The following OSBPL9 variants were observed in gnomAD, a reference collection of about 807,000 sequenced individuals.
The protein encoded by OSBPL9 is oxysterol-binding protein-related protein 9.
Under a neutral mutation model 106.6 loss-of-function variants are expected in OSBPL9, and 40 were observed. That is an observed-to-expected ratio of 0.38 (90% CI 0.29 to 0.49). The LOEUF is 0.49. Ranked by LOEUF, OSBPL9 falls within the 20% of genes least tolerant of loss-of-function variation. The pLI is 0.97. For synonymous variants in OSBPL9, 269 were observed against 295.4 expected, an observed-to-expected ratio of 0.91 and a Z score of 0.92; for missense variants, 609 against 887.2, an observed-to-expected ratio of 0.69 and a Z score of 3.98.
At chr1:51,667,054 G>A (rs1037379117) in intron 2 of OSBPL9, among the ~76,000 whole-genome samples, 7 of 152,182 alleles carry the variant, frequency 4.6e-5, no homozygotes, top group African/African-American at 1.7e-4. Flanking sequence ...AATGAGCACA[G>A]CCTGTGGTAA....
At chr1:51,617,028 C>A, upstream of OSBPL9, 1 of 1,475,594 alleles carries the variant, frequency 6.8e-7, no homozygotes, top group Non-Finnish European at 9.1e-7. Flanking sequence ...CCCGCCCCGC[C>A]CCCTGCGGCC....
intron 1 of OSBPL9, among the ~76,000 whole-genome samples, chr1:51,594,508 T>A (rs1032448495): frequency 9.2e-5 from 14 of 152,174 alleles, no homozygotes; most frequent in African/African-American, 3.4e-4. Context: ...GTTCACCCAT[T>A]TGTGTTTTTG....
At chr1:51,732,779 T>G (rs1487304548) in intron 4 of OSBPL9, among the ~76,000 whole-genome samples, 5 of 152,180 alleles carry the variant, frequency 3.3e-5, no homozygotes, top group African/African-American at 7.2e-5. Flanking sequence ...TTGCCGCTCT[T>G]ATAGTTAAGA....
chr1:51,665,535 G>A (rs1648244580), intron 2 of OSBPL9, among the ~76,000 whole-genome samples: 1 of 152,186 alleles, frequency 6.6e-6, no homozygotes, highest in Non-Finnish European at 1.5e-5. Context: ...CAGTGTGGAT[G>A]TAGGGTTTTT....
At chr1:51,774,370 T>C (rs1358131985) in intron 14 of OSBPL9, among the ~76,000 whole-genome samples, 1 of 152,238 alleles carries the variant, frequency 6.6e-6, no homozygotes, top group Admixed American at 6.5e-5. Context: ...TTAAAATAAG[T>C]CATTTTTGAA....
intron 4 of OSBPL9, among the ~76,000 whole-genome samples, chr1:51,731,105 GTA>G (rs1664291336): frequency 6.7e-6 from 1 of 150,064 alleles, no homozygotes; most frequent in Admixed American, 6.6e-5. Context: ...TAAAAATACC[GTA>G]TTACCTTTTC....
intron 23 of OSBPL9, 42 bp downstream of exon 23, chr1:51,787,530 A>G (rs1210769476): frequency 6.2e-7 from 1 of 1,610,758 alleles, no homozygotes; most frequent in Admixed American, 1.7e-5. Flanking sequence ...TGTTCCTCCT[A>G]ATTTATTTCA....
At chr1:51,741,509 C>G (rs370550380) in intron 4 of OSBPL9, among the ~76,000 whole-genome samples, 1 of 149,632 alleles carries the variant, frequency 6.7e-6, no homozygotes, top group East Asian at 2.0e-4. Context: ...TTCCTCTTCC[C>G]CTTGCCCTTC....
intron 4 of OSBPL9, among the ~76,000 whole-genome samples, chr1:51,734,456 G>A (rs879789144): frequency 3.3e-5 from 5 of 152,172 alleles, no homozygotes; most frequent in African/African-American, 4.8e-5. Context: ...CTTGGCTGCA[G>A]TTGGAACCTG....
At chr1:51,547,472 A>G in the OSBPL9 span, among the ~76,000 whole-genome samples, 1 of 152,190 alleles carries the variant, frequency 6.6e-6, no homozygotes, top group Non-Finnish European at 1.5e-5. Context: ...ATAAGAACAG[A>G]TACAAATAAA....
intron 1 of OSBPL9, among the ~76,000 whole-genome samples, chr1:51,590,436 C>G (rs1570533689): frequency 6.6e-6 from 1 of 151,552 alleles, no homozygotes; most frequent in Non-Finnish European, 1.5e-5. Context: ...CTGGCTAACA[C>G]GGTGAAACCC....
At chr1:51,653,780 A>AT (rs1646661036) in intron 2 of OSBPL9, among the ~76,000 whole-genome samples, 1 of 152,234 alleles carries the variant, frequency 6.6e-6, no homozygotes, top group African/African-American at 2.4e-5. Context: ...GCAGAGGATC[A>AT]TTTGAGCCCA....
At chr1:51,645,390 T>C (rs1169354438) in intron 1 of OSBPL9, among the ~76,000 whole-genome samples, 2 of 152,186 alleles carry the variant, frequency 1.3e-5, no homozygotes, top group Non-Finnish European at 2.9e-5. Context: ...CTCGATACTA[T>C]ACCCCTACCC....
chr1:51,546,094 G>A, the OSBPL9 span, among the ~76,000 whole-genome samples: 8 of 151,992 alleles, frequency 5.3e-5, no homozygotes, highest in African/African-American at 1.9e-4. Context: ...TCAGCTCACT[G>A]CAGCCTCAAC....
At chr1:51,545,054 G>T in the OSBPL9 span, among the ~76,000 whole-genome samples, 3 of 151,916 alleles carry the variant, frequency 2.0e-5, no homozygotes, top group Admixed American at 2.0e-4. Flanking sequence ...ATGTTGGCCA[G>T]GCTTGTCTCA....
Position 51,772,655 on chromosome 1 carries a change from G to A in OSBPL9, c.1102G>A (p.Val368Met), listed in dbSNP as rs986723436. The change falls in exon 14 of 24, where the codon GTG (valine) becomes ATG (methionine). Residue 368 changes from valine to methionine, a missense_variant. Val to Met is a conservative substitution (Grantham distance 21). Transcript: ENST00000428468. ...AGATGATGATGCGGAGGCAGGGTCT[G>A]TGGAGGAGCACAAGAGCGTTATCAT... ...DRDDDAEAGS[V>M]EEHKSVIMHL... 3.1e-6 allele frequency: 5 copies of A among 1,614,246 alleles called. No individual in the cohort carries two copies. The highest frequency in any genetic ancestry group is 2.7e-5 in the African/African-American group (2 of 75,076).
intron 1 of OSBPL9, among the ~76,000 whole-genome samples, chr1:51,581,625 C>T (rs963905304): frequency 2.6e-5 from 4 of 152,084 alleles, no homozygotes; most frequent in African/African-American, 7.2e-5. Context: ...TCTTTATACC[C>T]GTATGGACTC....
At chr1:51,768,163 G>T (rs1237329179) in intron 12 of OSBPL9, among the ~76,000 whole-genome samples, 1 of 151,908 alleles carries the variant, frequency 6.6e-6, no homozygotes, top group Admixed American at 6.6e-5. Context: ...GGATGGTCTC[G>T]ATCTCCTGAC....
At chr1:51,649,934 G>T (rs1176598324) in intron 1 of OSBPL9, among the ~76,000 whole-genome samples, 2 of 151,940 alleles carry the variant, frequency 1.3e-5, no homozygotes, top group Non-Finnish European at 2.9e-5. Context: ...GAGTGCAGGG[G>T]TGTGGTCATG....
Sources: allele counts gnomAD v4.1 joint callset (sites outside exome capture counted in the v4.1 genomes callset), GRCh38; gene constraint gnomAD v4.1.1; transcripts MANE v1.5; gene names NCBI Gene and HGNC (gene_info 2026-07-23, HGNC 2026-07-21).